Variants in CLCN5 observed in about 807,000 individuals in gnomAD.
CLCN5 encodes the protein Cl-/H+ antiporter 5.
CLCN5 carries 17 observed loss-of-function variants against 54.0 expected under a neutral mutation model. The observed-to-expected ratio is 0.31, with a 90% CI of 0.22 to 0.47. The LOEUF (loss-of-function observed/expected upper bound fraction) is 0.47, where lower values mean the gene tolerates loss of function less well. Ranked by LOEUF, CLCN5 falls within the 20% of genes least tolerant of loss-of-function variation. The pLI, the probability that CLCN5 is intolerant of heterozygous loss-of-function variation, is 1.00. For synonymous variants in CLCN5, 222 were observed against 233.0 expected (o/e 0.95, Z 0.43); for missense variants, 448 against 646.7 (o/e 0.69, Z 3.33).
chrX:50,077,266 T>C (rs1933441347), intron 7 of CLCN5, among the ~76,000 whole-genome samples: 1 of 111,019 alleles, frequency 9.0e-6, no homozygotes, highest in South Asian at 3.8e-4. Context: ...ATACATGCCG[T>C]ATGTTTGAGA....
chrX:50,026,527 T>A (rs1743297821), intron 3 of CLCN5, among the ~76,000 whole-genome samples: 1 of 111,943 alleles, frequency 8.9e-6, no homozygotes, highest in South Asian at 3.8e-4. Flanking sequence ...CTATCAGTTT[T>A]TGCCTCATAT....
chrX:50,082,989 G>A (rs1482120281), intron 9 of CLCN5, among the ~76,000 whole-genome samples: 3 of 110,842 alleles, frequency 2.7e-5, no homozygotes, highest in Non-Finnish European at 3.8e-5. Context: ...GCTGTTTTGA[G>A]GAGGAAGGAC....
intron 7 of CLCN5, among the ~76,000 whole-genome samples, chrX:50,077,121 T>C (rs1933434086): frequency 8.9e-6 from 1 of 111,829 alleles, no homozygotes; most frequent in Non-Finnish European, 1.9e-5. Context: ...AGGTGGCATG[T>C]GCACACACAT....
intron 12 of CLCN5, 121 bp from the exon 13 acceptor site, chrX:50,089,995 T>C: frequency 1.5e-6 from 1 of 686,330 alleles, no homozygotes; most frequent in East Asian, 3.2e-5. Flanking sequence ...ATCTCTGGGG[T>C]CTGCACAGTT....
At chrX:50,057,696 A>G (rs1932785592) in intron 4 of CLCN5, among the ~76,000 whole-genome samples, 1 of 102,316 alleles carries the variant, frequency 9.8e-6, no homozygotes, top group Non-Finnish European at 2.0e-5. Context: ...TCTCCTGGAT[A>G]GTTTCTTAGA....
chrX:50,004,398 A>G (rs1930044452), intron 3 of CLCN5, among the ~76,000 whole-genome samples: 1 of 110,999 alleles, frequency 9.0e-6, no homozygotes, highest in Non-Finnish European at 1.9e-5. Context: ...GGGTGGGGGT[A>G]GTTACAGCAT....
At chrX:49,965,300 T>C (rs1557175299) in intron 3 of CLCN5, among the ~76,000 whole-genome samples, 1 of 112,051 alleles carries the variant, frequency 8.9e-6, no homozygotes, top group African/African-American at 3.2e-5. Flanking sequence ...TAGGTTGTAT[T>C]CCATTTATCT....
At chrX:49,947,107 C>T (rs1926799062) in intron 3 of CLCN5, among the ~76,000 whole-genome samples, 2 of 111,613 alleles carry the variant, frequency 1.8e-5, no homozygotes, top group African/African-American at 6.5e-5. Context: ...GAGGCATGAG[C>T]CACCGCGCCT....
chrX:49,957,538 A>T (rs1167570537), intron 3 of CLCN5, among the ~76,000 whole-genome samples: 3 of 111,625 alleles, frequency 2.7e-5, no homozygotes, highest in Non-Finnish European at 5.6e-5. Flanking sequence ...TATCTCCATT[A>T]CCTTTCAGTT....
chrX:49,938,247 C>G (rs1316956429), intron 3 of CLCN5, among the ~76,000 whole-genome samples: 1 of 111,849 alleles, frequency 8.9e-6, no homozygotes. Flanking sequence ...CCATCCCCAT[C>G]AAGCTACCAA....
Position 50,075,852 on chromosome X carries a change from G to A in CLCN5, c.473G>A (p.Gly158Asp). 1.7e-6 allele frequency: 2 copies of A among 1,210,213 alleles called. No homozygotes were observed. Reference protein sequence around the residue: ...SAHWMTDLKEGICTGGFWFNH... With the variant: ...SAHWMTDLKEDICTGGFWFNH... ...CATTGGATGACAGACTTAAAAGAAGGTATATGCACAGGGGGATTCTGGTTT... is the reference window on the plus strand; with the variant it reads ...CATTGGATGACAGACTTAAAAGAAGATATATGCACAGGGGGATTCTGGTTT... The change falls in exon 7 of 15, where the codon GGT becomes GAT. Residue 158 changes from glycine (G) to aspartate (D), a missense_variant. Around this residue, in one of 5 missense-constraint regions of CLCN5, gnomAD observed 41 missense variants for 71.3 expected, o/e 0.58. Transcript: ENST00000376091.
rs797044811 is a variant in CLCN5 at position 50,088,749 on chromosome X, C to T, written c.1609C>T (p.Arg537Ter). ...CATGGCTGTTGGTGCTATAGCAGGT[C>T]GACTTCTAGGAGTAGGAATGGAACA... ...PSMAVGAIAG[R>*]LLGVGMEQLA... The change falls in exon 12 of 15, where the codon CGA (arginine) becomes TGA (stop). Residue 537 changes from arginine (R) to a stop codon, truncating the protein, a stop_gained. Coordinates refer to ENST00000376091, the MANE Select transcript of CLCN5 (RefSeq NM_001127898.4). LOFTEE classifies it high-confidence loss of function. The T allele has an allele frequency of 8.3e-7, 1 of 1,211,210 alleles. No individual in the cohort carries two copies. The highest frequency in any genetic ancestry group is 1.1e-6 in the Non-Finnish European group (1 of 895,157).
intron 3 of CLCN5, among the ~76,000 whole-genome samples, chrX:49,976,754 A>G (rs1203190300): frequency 8.9e-6 from 1 of 111,781 alleles, no homozygotes; most frequent in African/African-American, 3.2e-5. Context: ...TGCTGTCACA[A>G]TAAATACCAA....
Position 50,088,712 on chromosome X carries a change from C to T in CLCN5, c.1572C>T (p.Leu524=). The change falls in exon 12 of 15, where the codon CTC becomes CTT. Residue 524 remains leucine (L), a synonymous_variant. Transcript: ENST00000376091. ...TCTCTTTGCAGATCCCTTCTGGCCT[C>T]TTTATCCCTAGCATGGCTGTTGGTG... ...FTFGMKIPSG[L]FIPSMAVGAI... is the part of the protein sequence containing the mutation. 2 of 1,211,703 alleles carry T rather than the reference C, an allele frequency of 1.7e-6. No individual in the cohort carries two copies. Among genetic ancestry groups the T allele is most frequent in the Non-Finnish European group, 2.2e-6 (2 of 895,205 alleles).
intron 3 of CLCN5, among the ~76,000 whole-genome samples, chrX:49,996,970 G>C (rs1281431857): frequency 9.0e-6 from 1 of 111,562 alleles, no homozygotes; most frequent in African/African-American, 3.3e-5. Flanking sequence ...CCTGATCTGT[G>C]TTTGTCTTTT....
chrX:49,956,595 A>T (rs1200689897), intron 3 of CLCN5, among the ~76,000 whole-genome samples: 1 of 111,955 alleles, frequency 8.9e-6, no homozygotes, highest in Non-Finnish European at 1.9e-5. Context: ...GGCTGCACAG[A>T]GGAAAGTATA....
At position 49,928,677 on chromosome X, in the gene CLCN5, G is replaced by A. The variant is rs982459486; in HGVS notation, c.16+3363G>A. ...GCGGTGGCTCACGCCTGTAATCCCA[G>A]CACTTTGTGAGGCCGAGGCGGGCGG... On this transcript the variant is annotated intron_variant, in intron 3 of 14. Transcript: ENST00000376091. Among the ~76,000 whole-genome samples the A allele has an allele frequency of 5.4e-5, 6 of 111,904 alleles. No homozygotes were observed. In the East Asian group the frequency reaches 8.4e-4, roughly 16 times the overall value.
chrX:50,033,204 A>C (rs1415143152), intron 3 of CLCN5, among the ~76,000 whole-genome samples: 1 of 111,110 alleles, frequency 9.0e-6, no homozygotes. Flanking sequence ...AGGGTATTCA[A>C]TTAGGAAAAG....
At chrX:49,970,570 C>A (rs2147324357) in intron 3 of CLCN5, among the ~76,000 whole-genome samples, 1 of 111,801 alleles carries the variant, frequency 8.9e-6, no homozygotes, top group South Asian at 3.7e-4. Flanking sequence ...TAGCAGGTAG[C>A]AAACAGTACT....
Sources: gnomAD v4.1 joint callset for allele counts (sites outside exome capture counted in the v4.1 genomes callset) on GRCh38, gnomAD v4.1.1 for gene constraint, gnomAD v4.1.1 regional missense constraint, MANE v1.5 for transcripts, NCBI Gene and HGNC (gene_info 2026-07-23, HGNC 2026-07-21) for gene names.